Variants in PDE4B observed in about 807,000 individuals in gnomAD.
PDE4B encodes the protein 3',5'-cyclic-AMP phosphodiesterase 4B.
Under a neutral mutation model 82.2 loss-of-function variants are expected in PDE4B, and 20 were observed. That is an observed-to-expected ratio of 0.24 (90% CI 0.17 to 0.35). The LOEUF is 0.35. Among genes scored for constraint, PDE4B ranks in the 10% least tolerant of loss-of-function variants. The pLI is 1.00. For synonymous variants in PDE4B, 320 were observed against 318.9 expected (o/e 1.00, Z -0.04); for missense variants, 655 against 907.2 (o/e 0.72, Z 3.57).
In PDE4B at chr1:66,031,639, G is replaced by A. The variant is rs1653781413; in HGVS notation, c.281+112804G>A. Among the ~76,000 whole-genome samples the A allele has an allele frequency of 2.0e-5, 3 of 152,140 alleles. No individual in the cohort carries two copies. The South Asian group carries it at 6.2e-4, about 32-fold the overall frequency. On this transcript the variant is annotated intron_variant, in intron 3 of 16. Coordinates refer to ENST00000341517, the MANE Select transcript of PDE4B (RefSeq NM_002600.4). ...AGGTTCATTTACTATTAATGCAGAG[G>A]TAGAATTGTGTTTTTTCCATACTCT...
chr1:65,877,616 A>AAAATAAATAAAT (rs58204108), intron 1 of PDE4B, among the ~76,000 whole-genome samples: 3 of 147,728 alleles, frequency 2.0e-5, no homozygotes, highest in African/African-American at 5.0e-5. Context: ...CTCTGTCTAA[A>AAAATAAATAAAT]AAATAAATAA....
chr1:66,021,310 C>T (rs980119912), intron 3 of PDE4B, among the ~76,000 whole-genome samples: 1 of 152,158 alleles, frequency 6.6e-6, no homozygotes, highest in African/African-American at 2.4e-5. Context: ...TGCAGATGCT[C>T]TTTAGTTTAA....
At chr1:65,821,754 C>T (rs75227303) in intron 1 of PDE4B, among the ~76,000 whole-genome samples, 2,277 of 152,276 alleles carry the variant, frequency 0.015, 34 homozygotes, top group Non-Finnish European at 0.025. Flanking sequence ...TGCAGTTGTT[C>T]TCATTCCTGG....
intron 10 of PDE4B, 150 bp downstream of exon 10, chr1:66,361,943 C>T: frequency 1.8e-6 from 1 of 557,114 alleles, no homozygotes. Flanking sequence ...TTACTGTGAG[C>T]AGTAAGGCCT....
intron 3 of PDE4B, among the ~76,000 whole-genome samples, chr1:66,211,690 A>C (rs542108889): frequency 1.3e-5 from 2 of 152,364 alleles, no homozygotes; most frequent in South Asian, 4.1e-4. Context: ...GGAGCGAAGT[A>C]ACTTGTCTAA....
chr1:65,970,291 A>C (rs1050732937), intron 3 of PDE4B, among the ~76,000 whole-genome samples: 1 of 152,000 alleles, frequency 6.6e-6, no homozygotes, highest in Non-Finnish European at 1.5e-5. Context: ...TGAAACTGAC[A>C]ATACAAACCT....
At chr1:66,229,994 T>C (rs1322949913) in intron 3 of PDE4B, among the ~76,000 whole-genome samples, 3 of 152,184 alleles carry the variant, frequency 2.0e-5, no homozygotes, top group Non-Finnish European at 4.4e-5. Context: ...GTATTACAGA[T>C]CTTTCCTAGG....
At chr1:66,127,538 T>G (rs1173666619) in intron 3 of PDE4B, among the ~76,000 whole-genome samples, 1 of 152,152 alleles carries the variant, frequency 6.6e-6, no homozygotes, top group Non-Finnish European at 1.5e-5. Flanking sequence ...AATATATGAT[T>G]TAGTTATAGA....
chr1:65,845,938 T>G (rs1051965490), intron 1 of PDE4B, among the ~76,000 whole-genome samples: 8 of 152,210 alleles, frequency 5.3e-5, no homozygotes, highest in Non-Finnish European at 1.0e-4. Context: ...CATCTTGTTC[T>G]TCAAAGCCAC....
chr1:66,144,238 A>AGG (rs1188881222), intron 3 of PDE4B, among the ~76,000 whole-genome samples: 3 of 152,230 alleles, frequency 2.0e-5, no homozygotes, highest in African/African-American at 7.2e-5. Context: ...ACATCCATCC[A>AGG]TTCAACAATT....
At chr1:65,827,534 A>G (rs576146963) in intron 1 of PDE4B, among the ~76,000 whole-genome samples, 5 of 152,150 alleles carry the variant, frequency 3.3e-5, no homozygotes, top group Admixed American at 1.3e-4. Flanking sequence ...GGACTTACAT[A>G]GTTGGGGAAA....
At chr1:66,343,071 CA>C (rs138734413) in intron 8 of PDE4B, among the ~76,000 whole-genome samples, 24 of 147,496 alleles carry the variant, frequency 1.6e-4, no homozygotes, top group Non-Finnish European at 2.3e-4. Context: ...AAAACAACAA[CA>C]AAAAAAAACA....
intron 3 of PDE4B, among the ~76,000 whole-genome samples, chr1:65,962,072 G>A (rs1334733013): frequency 1.3e-5 from 2 of 152,130 alleles, no homozygotes; most frequent in Non-Finnish European, 2.9e-5. Context: ...GCTTAGCCCA[G>A]CTTACCTTAC....
At chr1:66,097,225 A>C (rs1209020472) in intron 3 of PDE4B, among the ~76,000 whole-genome samples, 1 of 152,110 alleles carries the variant, frequency 6.6e-6, no homozygotes, top group African/African-American at 2.4e-5. Flanking sequence ...CTAGTAATGT[A>C]TGGGAGTTTA....
intron 7 of PDE4B, among the ~76,000 whole-genome samples, chr1:66,308,006 A>G (rs1288907568): frequency 2.0e-5 from 3 of 152,094 alleles, no homozygotes; most frequent in Non-Finnish European, 2.9e-5. Flanking sequence ...AATTAGATAA[A>G]TCATAAACTT....
At chr1:66,034,662 T>A (rs958831150) in intron 3 of PDE4B, among the ~76,000 whole-genome samples, 8 of 152,192 alleles carry the variant, frequency 5.3e-5, no homozygotes, top group African/African-American at 1.9e-4. Context: ...CAACCTTTAA[T>A]GTTTTCCTTG....
intron 7 of PDE4B, among the ~76,000 whole-genome samples, chr1:66,329,183 A>ACTGCAC (rs2101907860): frequency 1.3e-5 from 2 of 152,300 alleles, no homozygotes; most frequent in East Asian, 3.9e-4. Context: ...ACCTCAAGGT[A>ACTGCAC]TCCCAGTGCC....
chr1:65,981,102 T>A (rs1650661599), intron 3 of PDE4B, among the ~76,000 whole-genome samples: 1 of 152,124 alleles, frequency 6.6e-6, no homozygotes, highest in African/African-American at 2.4e-5. Flanking sequence ...CTCAGGTGTG[T>A]CCGTTAGAAG....
At chr1:65,912,840 G>T (rs1268010844) in intron 1 of PDE4B, among the ~76,000 whole-genome samples, 1 of 151,814 alleles carries the variant, frequency 6.6e-6, no homozygotes, top group Non-Finnish European at 1.5e-5. Flanking sequence ...CAAATAATTT[G>T]TTCTCTCTGT....
Sources: allele counts gnomAD v4.1 joint callset (sites outside exome capture counted in the v4.1 genomes callset), GRCh38; gene constraint gnomAD v4.1.1; transcripts MANE v1.5; gene names NCBI Gene and HGNC (gene_info 2026-07-23, HGNC 2026-07-21).